GRID2: variants seen among roughly 807,000 people sequenced by gnomAD.
The protein encoded by GRID2 is glutamate ionotropic receptor delta type subunit 2.
Under a neutral mutation model 114.8 loss-of-function variants are expected in GRID2, and 33 were observed. The ratio of observed to expected loss-of-function variants is 0.29; its 90% CI spans 0.22 to 0.38. The LOEUF (loss-of-function observed/expected upper bound fraction) is 0.38, where lower values mean the gene tolerates loss of function less well. GRID2 is among the 10% of genes least tolerant of loss of function. The pLI is 1.00. For missense variants in GRID2, 1,184 were observed against 1,257.7 expected, an observed-to-expected ratio of 0.94 and a Z score of 0.89; for synonymous variants, 505 against 449.9, an observed-to-expected ratio of 1.12 and a Z score of -1.55.
intron 8 of GRID2, among the ~76,000 whole-genome samples, chr4:93,326,320 T>A (rs1335136401): frequency 6.6e-6 from 1 of 152,162 alleles, no homozygotes; most frequent in Non-Finnish European, 1.5e-5. Context: ...ACAGATACCT[T>A]ATCCTCAAGA....
chr4:93,193,562 G>A (rs1421190003), intron 4 of GRID2, among the ~76,000 whole-genome samples: 3 of 152,064 alleles, frequency 2.0e-5, no homozygotes, highest in African/African-American at 7.2e-5. Flanking sequence ...GGCCTCCCCA[G>A]CCACACTGAA....
Position 93,772,679 on chromosome 4 carries a change from C to T in GRID2, c.*181C>T. 1.8e-6 allele frequency: 1 copy of T among 545,232 alleles called. No homozygotes were observed. The highest frequency in any genetic ancestry group is 3.2e-6 in the Non-Finnish European group (1 of 312,684). 33.8% of individuals were successfully genotyped at this position (545,232 alleles called of 1,614,324 possible). A position where few individuals can be genotyped will look rare whatever the true frequency, so the allele number is the denominator to read the frequency against. ...CTCTCCTCTATGATTTTCTCTCTTTCCCCCTCCCTTCCTGTACATTTTCCT... is the reference window on the plus strand; with the variant it reads ...CTCTCCTCTATGATTTTCTCTCTTTTCCCCTCCCTTCCTGTACATTTTCCT... On this transcript the variant is annotated 3_prime_UTR_variant, in exon 16 of 16. Transcript: ENST00000282020.
chr4:93,196,428 G>C (rs1741499099), intron 4 of GRID2, among the ~76,000 whole-genome samples: 1 of 151,998 alleles, frequency 6.6e-6, no homozygotes, highest in Non-Finnish European at 1.5e-5. Flanking sequence ...AAAACCTTTT[G>C]ATTTTTGTTT....
chr4:93,703,663 A>C (rs1727722890), intron 14 of GRID2, among the ~76,000 whole-genome samples: 1 of 107,164 alleles, frequency 9.3e-6, no homozygotes, highest in Non-Finnish European at 1.8e-5. Context: ...ACCCCACAAC[A>C]GTCCCCAGTG....
intron 8 of GRID2, among the ~76,000 whole-genome samples, chr4:93,322,058 T>C (rs903533895): frequency 1.8e-5 from 2 of 112,358 alleles, no homozygotes; most frequent in Non-Finnish European, 3.6e-5. Flanking sequence ...CTTTTTTTTA[T>C]TATTATACAT....
At chr4:92,371,281 CTT>C (rs1729104834) in intron 1 of GRID2, among the ~76,000 whole-genome samples, 1 of 152,146 alleles carries the variant, frequency 6.6e-6, no homozygotes, top group South Asian at 2.1e-4. Flanking sequence ...AAACAAGAGA[CTT>C]TCCATGTAAA....
At chr4:92,706,047 AG>A (rs1325241445) in intron 2 of GRID2, among the ~76,000 whole-genome samples, 22 of 152,308 alleles carry the variant, frequency 1.4e-4, no homozygotes, top group African/African-American at 4.1e-4. Context: ...TGCAGCCTGA[AG>A]TAAAGGCGCA....
chr4:92,306,142 C>A (rs1272249065), intron 1 of GRID2, among the ~76,000 whole-genome samples: 1 of 152,232 alleles, frequency 6.6e-6, no homozygotes, highest in South Asian at 2.1e-4. Flanking sequence ...AGTGGCCAGC[C>A]CCTCCGCTCC....
At chr4:93,658,508 A>T (rs1197438877) in intron 14 of GRID2, among the ~76,000 whole-genome samples, 1 of 152,204 alleles carries the variant, frequency 6.6e-6, no homozygotes, top group Non-Finnish European at 1.5e-5. Context: ...AAATAAAAAA[A>T]ACTGGAGATT....
rs552546690 is a variant in GRID2 at position 93,470,425 on chromosome 4, A to G, written c.1858+14451A>G. Among the ~76,000 whole-genome samples the G allele has an allele frequency of 2.0e-5, 3 of 152,200 alleles. No homozygotes were observed. In the South Asian group the frequency reaches 6.2e-4, roughly 32 times the overall value. ...TAAGCTGGCTATACTTACTTGTTTC[A>G]CTCCAAGACTTGACAGCGATGCAAT... On this transcript the variant is annotated intron_variant, in intron 11 of 15. Transcript: ENST00000282020.
At chr4:93,752,184 T>C (rs1578736012) in intron 14 of GRID2, among the ~76,000 whole-genome samples, 1 of 152,128 alleles carries the variant, frequency 6.6e-6, no homozygotes, top group Non-Finnish European at 1.5e-5. Flanking sequence ...ACTTAATATA[T>C]ACCACATAAT....
chr4:93,300,883 G>A (rs138334347), intron 8 of GRID2, among the ~76,000 whole-genome samples: 1,790 of 152,306 alleles, frequency 0.012, 44 homozygotes, highest in African/African-American at 0.041. Context: ...TGCATGCACC[G>A]GTGGTCAGAG....
At chr4:92,933,355 T>C (rs1416439671) in intron 2 of GRID2, among the ~76,000 whole-genome samples, 6 of 151,504 alleles carry the variant, frequency 4.0e-5, no homozygotes, top group Admixed American at 1.3e-4. Context: ...AAAAGTAATA[T>C]GTTCCAATCC....
intron 2 of GRID2, among the ~76,000 whole-genome samples, chr4:92,978,043 G>C (rs994567812): frequency 1.3e-5 from 2 of 152,058 alleles, no homozygotes; most frequent in African/African-American, 4.8e-5. Flanking sequence ...AGATCACCAA[G>C]GGATAGTCTA....
At chr4:92,583,499 G>C (rs1560472055) in intron 1 of GRID2, among the ~76,000 whole-genome samples, 1 of 151,822 alleles carries the variant, frequency 6.6e-6, no homozygotes, top group Non-Finnish European at 1.5e-5. Context: ...AAAAGATACA[G>C]GGTTCTGAAA....
chr4:93,264,724 ATCATTTGAAT>A (rs1263471358), intron 8 of GRID2, among the ~76,000 whole-genome samples: 7 of 121,496 alleles, frequency 5.8e-5, no homozygotes, highest in African/African-American at 2.4e-4. Flanking sequence ...ATATATATAT[ATCATTTGAAT>A]TATATATATA....
Position 92,423,459 on chromosome 4 carries a change from A to G in GRID2, c.88+118715A>G, listed in dbSNP as rs541891545. 2.8e-4 allele frequency among the ~76,000 whole-genome samples: 42 copies of G among 152,246 alleles called. No homozygotes were observed. The South Asian group carries it at 6.2e-3, about 23-fold the overall frequency. Reference sequence around the variant, plus strand: ...ATGGATATTGAGGTGTACATTTTGTAGTTATTCAAGTCCATAATGTGTTTA... The same window carrying G: ...ATGGATATTGAGGTGTACATTTTGTGGTTATTCAAGTCCATAATGTGTTTA... On this transcript the variant is annotated intron_variant, in intron 1 of 15. Coordinates refer to ENST00000282020, the MANE Select transcript of GRID2 (RefSeq NM_001510.4).
At chr4:93,080,058 T>G (rs757530398) in intron 2 of GRID2, among the ~76,000 whole-genome samples, 47 of 152,134 alleles carry the variant, frequency 3.1e-4, no homozygotes, top group Admixed American at 8.5e-4. Context: ...CAAACTACAT[T>G]GATGAGGTCC....
At chr4:92,372,096 T>C (rs765244763) in intron 1 of GRID2, among the ~76,000 whole-genome samples, 7 of 152,156 alleles carry the variant, frequency 4.6e-5, no homozygotes, top group Non-Finnish European at 7.3e-5. Flanking sequence ...AAAACTTGAA[T>C]AGATGAGGAG....
Sources: allele counts gnomAD v4.1 joint callset (sites outside exome capture counted in the v4.1 genomes callset), GRCh38; gene constraint gnomAD v4.1.1; transcripts MANE v1.5; gene names NCBI Gene and HGNC (gene_info 2026-07-23, HGNC 2026-07-21).